SPP2: variants seen among roughly 807,000 people sequenced by gnomAD.
SPP2 encodes the protein secreted phosphoprotein 2.
Under a neutral mutation model 28.8 loss-of-function variants are expected in SPP2, and 34 were observed. The observed-to-expected ratio is 1.18, with a 90% CI of 0.90 to 1.57. The LOEUF (loss-of-function observed/expected upper bound fraction) is 1.57, where lower values mean the gene tolerates loss of function less well. SPP2 is among the 40% of genes most tolerant of loss of function. SPP2 has a pLI of 0.00. For synonymous variants in SPP2, 96 were observed against 89.4 expected, an observed-to-expected ratio of 1.07 and a Z score of -0.42; for missense variants, 269 against 263.9, an observed-to-expected ratio of 1.02 and a Z score of -0.13.
At chr2:234,072,467 TG>T (rs1361793390) in intron 7 of SPP2, among the ~76,000 whole-genome samples, 1 of 152,246 alleles carries the variant, frequency 6.6e-6, no homozygotes, top group Non-Finnish European at 1.5e-5. Flanking sequence ...GGCTGTATTT[TG>T]TTTATTAGTA....
At chr2:234,066,377 T>C (rs933048835) in intron 4 of SPP2, among the ~76,000 whole-genome samples, 156 bp from the exon 5 acceptor site, 2 of 152,216 alleles carry the variant, frequency 1.3e-5, no homozygotes, top group African/African-American at 4.8e-5. Flanking sequence ...ATGTTTGATA[T>C]ATATAAAGTT....
At chr2:234,076,191 G>GTCCCCAGCCTTGCGTGC (rs1690890133) in intron 7 of SPP2, among the ~76,000 whole-genome samples, 2 of 152,098 alleles carry the variant, frequency 1.3e-5, no homozygotes, top group Non-Finnish European at 2.9e-5. Context: ...ACACCCGACA[G>GTCCCCAGCCTTGCGTGC]TGTGCGCCCA....
intron 7 of SPP2, among the ~76,000 whole-genome samples, chr2:234,071,777 C>A (rs969031421): frequency 2.0e-5 from 3 of 152,218 alleles, no homozygotes; most frequent in African/African-American, 7.2e-5. Context: ...ACTTGCAGCT[C>A]CTCTGGCTGC....
At chr2:234,058,351 G>C (rs915966029) in intron 2 of SPP2, among the ~76,000 whole-genome samples, 2 of 152,174 alleles carry the variant, frequency 1.3e-5, no homozygotes, top group Admixed American at 1.3e-4. Flanking sequence ...TTCAATATGA[G>C]AGTTGAAACA....
intron 4 of SPP2, among the ~76,000 whole-genome samples, chr2:234,063,564 T>C (rs1391543270): frequency 6.6e-6 from 1 of 152,240 alleles, no homozygotes; most frequent in Non-Finnish European, 1.5e-5. Flanking sequence ...GTTAACTAAA[T>C]AGATAGGTGA....
chr2:234,070,411 C>G (rs1434352524), intron 7 of SPP2, among the ~76,000 whole-genome samples: 1 of 152,218 alleles, frequency 6.6e-6, no homozygotes, highest in Non-Finnish European at 1.5e-5. Context: ...CACCTCACAT[C>G]TATGAAATCT....
chr2:234,070,010 G>A lies in SPP2; in HGVS notation c.633G>A (p.Glu211=). 6.2e-7 allele frequency: 1 copy of A among 1,613,078 alleles called. No homozygotes were observed. The highest frequency in any genetic ancestry group is 8.5e-7 in the Non-Finnish European group (1 of 1,179,262). Residue 211 remains glutamate (E), a synonymous_variant, in exon 7 of 8, where the codon GAG becomes GAA. Transcript: ENST00000168148. ...RHRARINTDF[E] ...GAGCAAGAATAAATACTGACTTTGA[G>A]TAACGGCCTTGAGGTAAGAAAATGC...
In SPP2 at chr2:234,060,764, C is replaced by CACACACGCACACAT. The variant is rs1251295247; in HGVS notation, c.444+299_444+312dup. ...ACACACACGCACACACACACACATGCACACACGCACACATACACACGCACA... is the reference window on the plus strand; with the variant it reads ...ACACACACGCACACACACACACATGCACACACGCACACATACACACGCACACATACACACGCACA... On this transcript the variant is annotated intron_variant, in intron 4 of 7. Coordinates refer to ENST00000168148, the MANE Select transcript of SPP2 (RefSeq NM_006944.3). 8.7e-3 allele frequency among the ~76,000 whole-genome samples: 1,283 copies of CACACACGCACACAT among 147,142 alleles called. 19 individuals carry two copies. The highest frequency in any genetic ancestry group is 0.03 in the African/African-American group (1,238 of 41,098).
At position 234,066,521 on chromosome 2, in the gene SPP2, G is replaced by A. The variant is rs757319521; in HGVS notation, c.445-12G>A. 3 of 1,610,214 alleles carry A rather than the reference G, an allele frequency of 1.9e-6. No homozygotes were observed. The Admixed American group carries it at 5.0e-5, about 27-fold the overall frequency. On this transcript the variant is annotated splice_polypyrimidine_tract_variant and intron_variant, in intron 4 of 7. Coordinates refer to ENST00000168148, the MANE Select transcript of SPP2 (RefSeq NM_006944.3). ...CATGTGCTGACACATCCTGATGCCT[G>A]AATTTCTTTAGATGATTTTTGGGGA...
chr2:234,052,997 G>A (rs1187984556), intron 2 of SPP2, among the ~76,000 whole-genome samples: 1 of 152,162 alleles, frequency 6.6e-6, no homozygotes. Context: ...AAAGCCCTCA[G>A]GAGAGAGTTG....
chr2:234,056,380 T>C (rs981023153), intron 2 of SPP2: 2 of 152,204 alleles, frequency 1.3e-5, no homozygotes, highest in African/African-American at 4.8e-5. Flanking sequence ...TGACTTCTTA[T>C]TGTTCAGCAT....
At chr2:234,073,498 T>A (rs1324541842) in intron 7 of SPP2, among the ~76,000 whole-genome samples, 1 of 152,224 alleles carries the variant, frequency 6.6e-6, no homozygotes, top group East Asian at 1.9e-4. Context: ...TCTAGGACTC[T>A]TTCATGTTGC....
intron 7 of SPP2, among the ~76,000 whole-genome samples, chr2:234,075,462 C>T (rs1342980968): frequency 6.6e-6 from 1 of 152,176 alleles, no homozygotes; most frequent in African/African-American, 2.4e-5. Context: ...TCCCCATGTC[C>T]ACCCCTTCTC....
intron 7 of SPP2, among the ~76,000 whole-genome samples, chr2:234,073,764 T>C (rs1690841373): frequency 6.6e-6 from 1 of 152,212 alleles, no homozygotes; most frequent in East Asian, 1.9e-4. Context: ...CATTTTTCTT[T>C]ATGTCACAAT....
At chr2:234,053,281 A>G (rs986653091) in intron 2 of SPP2, among the ~76,000 whole-genome samples, 3 of 152,352 alleles carry the variant, frequency 2.0e-5, no homozygotes, top group African/African-American at 7.2e-5. Flanking sequence ...TTAAACGTTA[A>G]ATTAGTAAAT....
Position 234,074,431 on chromosome 2 carries a change from C to T in SPP2, c.*11-2414C>T, listed in dbSNP as rs1690857294. Among the ~76,000 whole-genome samples, 3 of 152,298 alleles carry T rather than the reference C, an allele frequency of 2.0e-5. No homozygotes were observed. The South Asian group carries it at 6.2e-4, about 32-fold the overall frequency. Reference sequence around the variant, plus strand: ...TTTCAGGTGTCAGACTCATTCGTGACAACTTCTTGTCATGGTCTCCCTTGA... The same window carrying T: ...TTTCAGGTGTCAGACTCATTCGTGATAACTTCTTGTCATGGTCTCCCTTGA... On this transcript the variant is annotated intron_variant, in intron 7 of 7. Coordinates refer to ENST00000168148, the MANE Select transcript of SPP2 (RefSeq NM_006944.3).
chr2:234,066,111 A>G (rs148690861), intron 4 of SPP2, among the ~76,000 whole-genome samples: 1 of 152,278 alleles, frequency 6.6e-6, no homozygotes, highest in Non-Finnish European at 1.5e-5. Context: ...CTTTGTGATG[A>G]TTGCATGGAC....
rs1198857202 is a variant in SPP2, at chr2:234,060,401, A to G, written c.366A>G (p.Val122=). The change falls in exon 4 of 8, where the codon GTA becomes GTG. Residue 122 remains valine, a synonymous_variant. Transcript: ENST00000168148. ...CTGTTTGCAGAAGCACCGTGAAGGTATCTGCCCAGCAGGTGCAGGGCGTGC... is the reference window on the plus strand; with the variant it reads ...CTGTTTGCAGAAGCACCGTGAAGGTGTCTGCCCAGCAGGTGCAGGGCGTGC... The part of the protein sequence containing the change: ...STAVCRSTVK[V]SAQQVQGVHA... 5 of 1,614,072 alleles carry G rather than the reference A, an allele frequency of 3.1e-6. No individual in the cohort carries two copies. Among genetic ancestry groups the G allele is most frequent in the Non-Finnish European group, 4.2e-6 (5 of 1,179,986 alleles).
chr2:234,075,025 G>A (rs958383265), intron 7 of SPP2, among the ~76,000 whole-genome samples: 1 of 149,434 alleles, frequency 6.7e-6, no homozygotes, highest in African/African-American at 2.5e-5. Context: ...AAAAAAATGG[G>A]GCACTAAATA....
Sources: gnomAD v4.1 joint callset for allele counts (sites outside exome capture counted in the v4.1 genomes callset) on GRCh38, gnomAD v4.1.1 for gene constraint, MANE v1.5 for transcripts, NCBI Gene and HGNC (gene_info 2026-07-23, HGNC 2026-07-21) for gene names.